The following PDLIM5 variants were observed in gnomAD, a reference collection of about 807,000 sequenced individuals.
PDLIM5 encodes the protein PDZ and LIM domain 5.
In PDLIM5, 34 loss-of-function variants were observed where a neutral mutation model predicts 64.2. The ratio of observed to expected loss-of-function variants is 0.53; its 90% confidence interval spans 0.40 to 0.71. The LOEUF (loss-of-function observed/expected upper bound fraction) is 0.71, where lower values mean the gene tolerates loss of function less well. Ranked by LOEUF, PDLIM5 falls within the 30% of genes least tolerant of loss-of-function variation. PDLIM5 has a pLI of 0.00. For missense variants in PDLIM5, 683 were observed against 733.6 expected (o/e 0.93, Z 0.80); for synonymous variants, 253 against 269.1 (o/e 0.94, Z 0.59).
chr4:94,452,034 C>T lies in PDLIM5; in HGVS notation c.-43+39C>T, dbSNP rs1361843289. On this transcript the variant is annotated intron_variant, in intron 1 of 12. Coordinates refer to ENST00000317968, the MANE Select transcript of PDLIM5 (RefSeq NM_006457.5). Reference sequence around the variant, plus strand: ...GGCCGGCGATGCGCCTCTCGGATCTCCGGTGGGAGAAGGGAAAGAACCGGC... The same window carrying T: ...GGCCGGCGATGCGCCTCTCGGATCTTCGGTGGGAGAAGGGAAAGAACCGGC... 3 of 152,310 alleles carry T rather than the reference C, an allele frequency of 2.0e-5. No homozygotes were observed. In the East Asian group the frequency reaches 5.8e-4, roughly 29 times the overall value. The allele number at this position is 152,310 out of a possible 1,614,324, so 9.4% of individuals were successfully genotyped here.
At chr4:94,544,887 A>G (rs1420348416) in intron 3 of PDLIM5, among the ~76,000 whole-genome samples, 7 of 152,174 alleles carry the variant, frequency 4.6e-5, no homozygotes, top group Non-Finnish European at 1.0e-4. Context: ...CATGAGATTT[A>G]TTGATGAATC....
chr4:94,597,320 A>C (rs1311809074), intron 7 of PDLIM5, among the ~76,000 whole-genome samples: 3 of 152,178 alleles, frequency 2.0e-5, no homozygotes, highest in African/African-American at 7.2e-5. Context: ...CAGTGGAATC[A>C]CATACTTGTT....
At chr4:94,536,101 G>C (rs1456081086) in intron 3 of PDLIM5, among the ~76,000 whole-genome samples, 2 of 152,056 alleles carry the variant, frequency 1.3e-5, no homozygotes, top group Non-Finnish European at 2.9e-5. Flanking sequence ...AGCTGCCTCA[G>C]GTATAGCTTT....
At chr4:94,476,979 T>G (rs937389909) in intron 2 of PDLIM5, among the ~76,000 whole-genome samples, 5 of 152,218 alleles carry the variant, frequency 3.3e-5, no homozygotes, top group Non-Finnish European at 5.9e-5. Flanking sequence ...ATATAAACTG[T>G]TTTTAATGTT....
At chr4:94,478,874 G>A (rs1725569392) in intron 2 of PDLIM5, among the ~76,000 whole-genome samples, 1 of 144,794 alleles carries the variant, frequency 6.9e-6, no homozygotes. Context: ...TCCAAAAGAA[G>A]GTAGGTGTGC....
At position 94,467,260 on chromosome 4, in the gene PDLIM5, C is replaced by G. The variant is rs144035228; in HGVS notation, c.96+11876C>G. On this transcript the variant is annotated intron_variant, in intron 2 of 12. Coordinates refer to ENST00000317968, the MANE Select transcript of PDLIM5 (RefSeq NM_006457.5). ...TGGGAAGCTGGGTTGCCATTGCAAT[C>G]AAGTTTCTTCTAGATTTGTTAATGT... Among the ~76,000 whole-genome samples, 272 of 151,256 alleles carry G rather than the reference C, an allele frequency of 1.8e-3. 1 individual carries two copies. The highest frequency in any genetic ancestry group is 6.4e-3 in the African/African-American group (263 of 41,246).
intron 8 of PDLIM5, among the ~76,000 whole-genome samples, chr4:94,630,348 A>T (rs1402645721): frequency 6.6e-6 from 1 of 151,676 alleles, no homozygotes; most frequent in African/African-American, 2.4e-5. Flanking sequence ...TGTCAGGGGG[A>T]GTATTAGTAT....
intron 7 of PDLIM5, chr4:94,608,244 GT>G (rs1172045993): frequency 3.8e-6 from 4 of 1,064,772 alleles, no homozygotes; most frequent in Non-Finnish European, 5.3e-6. Flanking sequence ...ATACTAAACT[GT>G]TTGAAAAAGA....
At chr4:94,636,700 A>AT (rs994264551) in intron 8 of PDLIM5, among the ~76,000 whole-genome samples, 10 of 151,428 alleles carry the variant, frequency 6.6e-5, no homozygotes, top group African/African-American at 2.4e-4. Context: ...CGCGCAGCTA[A>AT]TTTTTTTTGT....
intron 7 of PDLIM5, among the ~76,000 whole-genome samples, chr4:94,602,005 A>C (rs1247389907): frequency 1.1e-4 from 16 of 152,196 alleles, no homozygotes; most frequent in Admixed American, 1.0e-3. Flanking sequence ...AGTGAACCCC[A>C]AAAGGGCAGA....
At chr4:94,496,797 T>C (rs977637740) in intron 2 of PDLIM5, among the ~76,000 whole-genome samples, 10 of 152,230 alleles carry the variant, frequency 6.6e-5, no homozygotes, top group African/African-American at 2.4e-4. Context: ...CCAGCCCAGA[T>C]GCACATTTGA....
At chr4:94,539,011 T>C (rs1245520849) in intron 3 of PDLIM5, among the ~76,000 whole-genome samples, 1 of 152,170 alleles carries the variant, frequency 6.6e-6, no homozygotes, top group Non-Finnish European at 1.5e-5. Flanking sequence ...GTGATAAAGT[T>C]TGCTGGGATC....
chr4:94,659,771 G>A (rs1463912376), intron 11 of PDLIM5, among the ~76,000 whole-genome samples: 2 of 151,156 alleles, frequency 1.3e-5, no homozygotes, highest in Admixed American at 6.6e-5. Flanking sequence ...CTCGTGATCC[G>A]TCCACCTCAG....
At chr4:94,589,246 A>G (rs913782277) in intron 7 of PDLIM5, among the ~76,000 whole-genome samples, 1 of 152,218 alleles carries the variant, frequency 6.6e-6, no homozygotes, top group African/African-American at 2.4e-5. Context: ...CAGAAAGAAG[A>G]CTCAAAAGAA....
Position 94,575,869 on chromosome 4 carries a change from ATGCCAATCTTAG to A in PDLIM5, c.549_560del (p.Asn184_Ala187del). On this transcript the variant is annotated inframe_deletion, in exon 5 of 13. Transcript: ENST00000317968. ...TTCGCTGCATCTGGACTGCATGCTA[ATGCCAATCTTAG>A]TGCTGACCAGTCTCCATCTGCACTG... The A allele has an allele frequency of 6.2e-7, 1 of 1,614,116 alleles. No individual in the cohort carries two copies. The highest frequency in any genetic ancestry group is 1.1e-5 in the South Asian group (1 of 91,082).
chr4:94,525,697 A>G (rs1334507610), intron 3 of PDLIM5, among the ~76,000 whole-genome samples: 5 of 152,198 alleles, frequency 3.3e-5, no homozygotes, highest in Non-Finnish European at 5.9e-5. Context: ...ATACAGATCT[A>G]TTTTGAGGTA....
At chr4:94,494,432 G>GTTTTTTTT (rs61675663) in intron 2 of PDLIM5, among the ~76,000 whole-genome samples, 19 of 70,776 alleles carry the variant, frequency 2.7e-4, no homozygotes, top group Non-Finnish European at 4.4e-4. Context: ...TTTTTTTCTT[G>GTTTTTTTT]TTTTTTTTTT....
At chr4:94,649,240 T>A (rs1299325740) in intron 9 of PDLIM5, among the ~76,000 whole-genome samples, 16 of 152,090 alleles carry the variant, frequency 1.1e-4, no homozygotes. Context: ...CCTCCCAAAG[T>A]GCTGGGATTA....
At chr4:94,517,735 C>T (rs1424217821) in intron 2 of PDLIM5, among the ~76,000 whole-genome samples, 2 of 152,128 alleles carry the variant, frequency 1.3e-5, no homozygotes, top group Admixed American at 1.3e-4. Flanking sequence ...CATGTGTTTC[C>T]AAGCATTCCA....
Sources: gnomAD v4.1 joint callset for allele counts (sites outside exome capture counted in the v4.1 genomes callset) on GRCh38, gnomAD v4.1.1 for gene constraint, MANE v1.5 for transcripts, NCBI Gene and HGNC (gene_info 2026-07-23, HGNC 2026-07-21) for gene names.